Variants in VWA5B1 observed in about 807,000 individuals in gnomAD.
VWA5B1 encodes von Willebrand factor A domain-containing protein 5B1.
A neutral mutation model predicts 118.2 loss-of-function variants in VWA5B1; 115 were observed. The observed-to-expected ratio is 0.97, with a 90% CI of 0.84 to 1.14. VWA5B1 has a LOEUF of 1.14. Among genes scored for constraint, VWA5B1 ranks in the 50% most tolerant of loss-of-function variants. The pLI, the probability that VWA5B1 is intolerant of heterozygous loss-of-function variation, is 0.00. For missense variants in VWA5B1, 1,596 were observed against 1,603.8 expected (o/e 1.00, Z 0.08); for synonymous variants, 682 against 658.4 (o/e 1.04, Z -0.55).
chr1:20,326,784 A>C (rs1008538996), intron 8 of VWA5B1, among the ~76,000 whole-genome samples: 15 of 152,044 alleles, frequency 9.9e-5, no homozygotes, highest in African/African-American at 3.1e-4. Context: ...CATTAGTCTT[A>C]GGTTTTGCAA....
chr1:20,330,633 A>G (rs1239646021), intron 10 of VWA5B1, among the ~76,000 whole-genome samples: 1 of 152,246 alleles, frequency 6.6e-6, no homozygotes, highest in African/African-American at 2.4e-5. Context: ...CCCACAGCCA[A>G]GGGAGAGGCT....
intron 12 of VWA5B1, among the ~76,000 whole-genome samples, chr1:20,333,182 A>T (rs1334458709): frequency 1.3e-5 from 2 of 152,218 alleles, no homozygotes; most frequent in Non-Finnish European, 2.9e-5. Flanking sequence ...GGTTATTAAG[A>T]GCCCCTGCAG....
chr1:20,296,220 T>C (rs942973205), intron 1 of VWA5B1, among the ~76,000 whole-genome samples: 1 of 152,200 alleles, frequency 6.6e-6, no homozygotes, highest in Non-Finnish European at 1.5e-5. Flanking sequence ...GACTGTCCAC[T>C]TACAAAAGTA....
Position 20,310,872 on chromosome 1 carries a change from A to C in VWA5B1, c.139+132A>C. 3.1e-6 allele frequency: 4 copies of C among 1,281,598 alleles called. No individual in the cohort carries two copies. The South Asian group carries it at 6.7e-5, about 21-fold the overall frequency. The allele number at this position is 1,281,598 out of a possible 1,614,324, so 79.4% of individuals were successfully genotyped here. Reference sequence around the variant, plus strand: ...CCGAGTCTGTTTCCTCATCTATAAAATGGTGAGATTCTTTCTGCTTTGCAG... The same window carrying C: ...CCGAGTCTGTTTCCTCATCTATAAACTGGTGAGATTCTTTCTGCTTTGCAG... On this transcript the variant is annotated intron_variant, in intron 2 of 21. Transcript: ENST00000289815.
intron 1 of VWA5B1, among the ~76,000 whole-genome samples, chr1:20,291,604 A>G (rs2088307449): frequency 6.6e-6 from 1 of 151,130 alleles, no homozygotes; most frequent in African/African-American, 2.4e-5. Context: ...GTCCCCCATC[A>G]TCCCTCATTT....
chr1:20,336,873 T>G (rs1486994464), intron 13 of VWA5B1, among the ~76,000 whole-genome samples: 1 of 152,140 alleles, frequency 6.6e-6, no homozygotes, highest in Non-Finnish European at 1.5e-5. Context: ...CTAACTCTGA[T>G]AGAAAGCAGA....
intron 21 of VWA5B1, among the ~76,000 whole-genome samples, 163 bp downstream of exon 21, chr1:20,352,335 A>G (rs2090147468): frequency 6.6e-6 from 1 of 152,030 alleles, no homozygotes; most frequent in South Asian, 2.1e-4. Context: ...CTTCCCACCC[A>G]AGTAGTTAGC....
intron 1 of VWA5B1, among the ~76,000 whole-genome samples, chr1:20,299,219 A>G (rs1347996989): frequency 6.6e-6 from 1 of 152,046 alleles, no homozygotes; most frequent in Non-Finnish European, 1.5e-5. Context: ...GGTATCCTAA[A>G]TGCAGCCTCT....
Position 20,352,058 on chromosome 1 carries a change from A to G in VWA5B1, c.3027A>G (p.Leu1009=), listed in dbSNP as rs230182. The change falls in exon 21 of 22, where the codon CTA becomes CTG. Residue 1009 remains leucine (L), a synonymous_variant. Transcript: ENST00000289815. ...CCACCTGACTTCACCTGCACAGGCT[A>G]AATCTCAACAAGTCCAGGCTACTGA... ...KASENLFGSW[L]NLNKSRLLTR... The G allele has an allele frequency of 0.072, 112,365 of 1,550,878 alleles. 4,642 individuals carry two copies. The highest frequency in any genetic ancestry group is 0.11 in the Admixed American group (5,413 of 50,952).
At chr1:20,334,744 GA>G (rs1435984758) in intron 12 of VWA5B1, among the ~76,000 whole-genome samples, 1 of 152,166 alleles carries the variant, frequency 6.6e-6, no homozygotes, top group Non-Finnish European at 1.5e-5. Flanking sequence ...CCGGAAGACA[GA>G]GGTTGCAGTG....
At chr1:20,311,536 A>G (rs1382269394) in intron 2 of VWA5B1, among the ~76,000 whole-genome samples, 2 of 152,188 alleles carry the variant, frequency 1.3e-5, no homozygotes. Flanking sequence ...CTGAGAAACC[A>G]TCTGTGAATA....
At chr1:20,319,357 C>T (rs1316077034) in intron 6 of VWA5B1, 25 bp from the exon 7 acceptor site, 1 of 1,550,292 alleles carries the variant, frequency 6.5e-7, no homozygotes, top group Non-Finnish European at 8.7e-7. Context: ...TGGCCAAGTG[C>T]TGAAAGTCGA....
At chr1:20,298,703 G>A (rs1427927800) in intron 1 of VWA5B1, among the ~76,000 whole-genome samples, 1 of 152,094 alleles carries the variant, frequency 6.6e-6, no homozygotes, top group African/African-American at 2.4e-5. Flanking sequence ...CTGGCTTTGA[G>A]CCTAATTCCT....
chr1:20,340,171 TGCACACGCAACACACTTATATGTGC>T (rs2089836739), intron 14 of VWA5B1, among the ~76,000 whole-genome samples: 1 of 151,360 alleles, frequency 6.6e-6, no homozygotes, highest in African/African-American at 2.4e-5. Context: ...CCCTTATGCA[TGCACACGCAACACACTTATATGTGC>T]GCGCACACAC....
At chr1:20,344,980 C>T (rs1333549113) in intron 16 of VWA5B1, among the ~76,000 whole-genome samples, 1 of 152,188 alleles carries the variant, frequency 6.6e-6, no homozygotes, top group East Asian at 1.9e-4. Flanking sequence ...CCGTTCCTAA[C>T]TTGCTGTGTG....
At chr1:20,291,890 C>T (rs1221493930) in intron 1 of VWA5B1, among the ~76,000 whole-genome samples, 1 of 152,182 alleles carries the variant, frequency 6.6e-6, no homozygotes, top group Non-Finnish European at 1.5e-5. Context: ...GAAGTTCCAC[C>T]ATAACGTCTG....
rs979674717 is a variant in VWA5B1, at chr1:20,359,142, G to A, written c.*4879G>A. ...ACGCAATGCGCCTCATCTCAATGCC[G>A]CTGACTGTGGTGACACATGTGGTAT... On this transcript the variant is annotated 3_prime_UTR_variant, in exon 22 of 22. Coordinates refer to ENST00000289815, the MANE Select transcript of VWA5B1 (RefSeq NM_001039500.3). 1.3e-5 allele frequency among the ~76,000 whole-genome samples: 2 copies of A among 152,198 alleles called. No homozygotes were observed. Among genetic ancestry groups the A allele is most frequent in the Non-Finnish European group, 2.9e-5 (2 of 68,042 alleles).
chr1:20,321,067 A>G (rs1443271902), intron 7 of VWA5B1, among the ~76,000 whole-genome samples: 4 of 145,592 alleles, frequency 2.7e-5, no homozygotes, highest in Non-Finnish European at 6.0e-5. Context: ...ATCACATAGA[A>G]GGGCACACCA....
intron 1 of VWA5B1, among the ~76,000 whole-genome samples, chr1:20,301,156 G>T (rs1486776436): frequency 6.6e-6 from 1 of 152,246 alleles, no homozygotes; most frequent in Non-Finnish European, 1.5e-5. Context: ...ATGGCTGGGT[G>T]GCAGGTCTGA....
Sources: allele counts gnomAD v4.1 joint callset (sites outside exome capture counted in the v4.1 genomes callset), GRCh38; gene constraint gnomAD v4.1.1; transcripts MANE v1.5; gene names NCBI Gene and HGNC (gene_info 2026-07-23, HGNC 2026-07-21).